Variants in C3orf52 observed in about 807,000 individuals in gnomAD.
C3orf52 encodes the protein TPA-induced transmembrane protein.
In C3orf52, 22 loss-of-function variants were observed where a neutral mutation model predicts 24.8. The observed-to-expected ratio is 0.89, with a 90% CI of 0.63 to 1.27. The LOEUF (loss-of-function observed/expected upper bound fraction) is 1.27, where lower values mean the gene tolerates loss of function less well. Among genes scored for constraint, C3orf52 ranks in the 50% most tolerant of loss-of-function variants. The probability of loss-of-function intolerance (pLI) is 0.00; values close to 1 mark genes in which losing one functional copy is unlikely to be tolerated. For synonymous variants in C3orf52, 93 were observed against 100.2 expected (o/e 0.93, Z 0.43); for missense variants, 265 against 260.7 (o/e 1.02, Z -0.11).
In C3orf52 at chr3:112,102,899, C is replaced by T. The variant is rs1319155094; in HGVS notation, c.330C>T (p.Phe110=). The T allele has an allele frequency of 6.2e-7, 1 of 1,606,582 alleles. No individual in the cohort carries two copies. Among genetic ancestry groups the T allele is most frequent in the Admixed American group, 1.7e-5 (1 of 59,134 alleles). ...AATTATCATCAAACAAAACATTCTT[C>T]ATCATGCTGAAGATTCCAGAGGAGT... ...ILELSSNKTF[F]IMLKIPEECV... The change falls in exon 3 of 6, where the codon TTC becomes TTT. Residue 110 remains phenylalanine (F), a synonymous_variant. Coordinates refer to ENST00000264848, the MANE Select transcript of C3orf52 (RefSeq NM_024616.3).
intron 4 of C3orf52, chr3:112,126,976 C>G (rs1164121712): frequency 1.3e-6 from 2 of 1,558,242 alleles, no homozygotes; most frequent in East Asian, 4.5e-5. Context: ...ACTAGGAAAT[C>G]AATGACTTAC....
intron 4 of C3orf52, among the ~76,000 whole-genome samples, chr3:112,111,115 G>A (rs150814478): frequency 7.7e-4 from 117 of 152,258 alleles, no homozygotes; most frequent in African/African-American, 2.6e-3. Context: ...AGGCTGAAGC[G>A]GGAGAATTGT....
At chr3:112,105,837 A>AG (rs2074018773) in intron 3 of C3orf52, among the ~76,000 whole-genome samples, 1 of 151,892 alleles carries the variant, frequency 6.6e-6, no homozygotes, top group Non-Finnish European at 1.5e-5. Context: ...AAAAAAAAAA[A>AG]AAAAAGATGC....
downstream of C3orf52, chr3:112,130,508 T>C (rs376717153): frequency 5.0e-6 from 8 of 1,613,770 alleles, no homozygotes; most frequent in African/African-American, 8.0e-5. Flanking sequence ...AGTGTTCTGC[T>C]GCCGCCTGAA....
At chr3:112,123,162 C>T, downstream of C3orf52, 1 of 421,878 alleles carries the variant, frequency 2.4e-6, no homozygotes, top group South Asian at 2.7e-5. Flanking sequence ...TTGTGGTGTG[C>T]ATAGCTTTAG....
Position 112,117,883 on chromosome 3 carries a change from T to A in C3orf52, c.*1237T>A, listed in dbSNP as rs56319304. 6.6e-6 allele frequency: 1 copy of A among 152,244 alleles called. No individual in the cohort carries two copies. Among genetic ancestry groups the A allele is most frequent in the Non-Finnish European group, 1.5e-5 (1 of 68,046 alleles). The allele number at this position is 152,244 out of a possible 1,614,324, so 9.4% of individuals were successfully genotyped here. A position where few individuals can be genotyped will look rare whatever the true frequency, so the allele number is the denominator to read the frequency against. On this transcript the variant is annotated 3_prime_UTR_variant, in exon 6 of 6. Transcript: ENST00000264848. ...GCCTCTCAGTTAAATGAGCCCTGGG[T>A]TAAAGTCAGTGTGAAGGGCAGCTGT...
At chr3:112,130,206 A>G (rs182291377), downstream of C3orf52, 3 of 545,718 alleles carry the variant, frequency 5.5e-6, no homozygotes, top group Non-Finnish European at 9.9e-6. Flanking sequence ...CATAACAGGG[A>G]CTAGCAGGGT....
chr3:112,105,144 T>C (rs1185052135), intron 3 of C3orf52, among the ~76,000 whole-genome samples: 2 of 152,214 alleles, frequency 1.3e-5, no homozygotes, highest in African/African-American at 4.8e-5. Flanking sequence ...GGACTGACAT[T>C]GATGCCTGTG....
At chr3:112,089,485 C>T (rs146836733) in intron 1 of C3orf52, among the ~76,000 whole-genome samples, 1,802 of 146,020 alleles carry the variant, frequency 0.012, 36 homozygotes, top group African/African-American at 0.043. Flanking sequence ...GCCCAGATCA[C>T]GCCACTGCAC....
intron 2 of C3orf52, among the ~76,000 whole-genome samples, chr3:112,095,431 G>A (rs2073916183): frequency 6.6e-6 from 1 of 152,132 alleles, no homozygotes; most frequent in African/African-American, 2.4e-5. Flanking sequence ...AGATCTAGAT[G>A]GTTTAATATT....
rs76093951 is a variant in C3orf52 at position 112,117,176 on chromosome 3, C to G, written c.*530C>G. 7.2e-6 allele frequency: 4 copies of G among 556,578 alleles called. No homozygotes were observed. The highest frequency in any genetic ancestry group is 1.3e-5 in the Non-Finnish European group (4 of 314,594). The allele number at this position is 556,578 out of a possible 1,614,324, so 34.5% of individuals were successfully genotyped here. ...TTACGAAGACTAAGCCAATTATTCA[C>G]TGAAGTCATCCTCCTCCCCCCCACC... On this transcript the variant is annotated 3_prime_UTR_variant, in exon 6 of 6. Coordinates refer to ENST00000264848, the MANE Select transcript of C3orf52 (RefSeq NM_024616.3).
downstream of C3orf52, chr3:112,130,652 A>G (rs1559987665): frequency 6.7e-6 from 5 of 745,684 alleles, no homozygotes; most frequent in East Asian, 9.9e-5. Context: ...ACACATGTTA[A>G]TACTGTTTCC....
At position 112,117,040 on chromosome 3, in the gene C3orf52, G is replaced by A; in HGVS notation, c.*394G>A. Reference sequence around the variant, plus strand: ...TGATCATGGCACTGCTATTCTTGAAGCACTCCACCCACCTGGGCTACTTTT... The same window carrying A: ...TGATCATGGCACTGCTATTCTTGAAACACTCCACCCACCTGGGCTACTTTT... On this transcript the variant is annotated 3_prime_UTR_variant, in exon 6 of 6. Coordinates refer to ENST00000264848, the MANE Select transcript of C3orf52 (RefSeq NM_024616.3). 1 of 961,536 alleles carries A rather than the reference G, an allele frequency of 1.0e-6. No individual in the cohort carries two copies. Among genetic ancestry groups the A allele is most frequent in the Non-Finnish European group, 1.5e-6 (1 of 653,752 alleles). The allele number at this position is 961,536 out of a possible 1,614,324, so 59.6% of individuals were successfully genotyped here. A position where few individuals can be genotyped will look rare whatever the true frequency, so the allele number is the denominator to read the frequency against.
At chr3:112,113,571 T>G (rs563233151) in intron 5 of C3orf52, among the ~76,000 whole-genome samples, 1 of 152,168 alleles carries the variant, frequency 6.6e-6, no homozygotes, top group African/African-American at 2.4e-5. Flanking sequence ...TGAAAGAGTA[T>G]CTCAATATGG....
intron 2 of C3orf52, among the ~76,000 whole-genome samples, chr3:112,096,726 A>AT (rs148073903): frequency 0.012 from 1,845 of 152,122 alleles, 36 homozygotes; most frequent in African/African-American, 0.041. Flanking sequence ...GGGGAGTTAT[A>AT]TTTTTTCACT....
chr3:112,109,676 C>T (rs78063105), intron 4 of C3orf52, 63 bp downstream of exon 4: 41,351 of 1,001,010 alleles, frequency 0.041, 1,200 homozygotes, highest in South Asian at 0.11. Flanking sequence ...CCACCCCACC[C>T]TTCGTCATTT....
intron 1 of C3orf52, among the ~76,000 whole-genome samples, chr3:112,089,186 A>G (rs2073855158): frequency 6.6e-6 from 1 of 152,232 alleles, no homozygotes; most frequent in Non-Finnish European, 1.5e-5. Flanking sequence ...TGGCAACATC[A>G]TTTGAATAAT....
intron 2 of C3orf52, among the ~76,000 whole-genome samples, chr3:112,098,804 G>T (rs1410930250): frequency 6.6e-5 from 10 of 152,056 alleles, no homozygotes; most frequent in Non-Finnish European, 7.4e-5. Flanking sequence ...AAGGGGAAAG[G>T]CAGCTTTCTG....
intron 4 of C3orf52, among the ~76,000 whole-genome samples, chr3:112,125,506 A>G (rs773350815): frequency 4.6e-5 from 7 of 151,820 alleles, no homozygotes; most frequent in Non-Finnish European, 1.0e-4. Context: ...GGAAATCACG[A>G]TTTCTTCCTC....
Sources: gnomAD v4.1 joint callset for allele counts (sites outside exome capture counted in the v4.1 genomes callset) on GRCh38, gnomAD v4.1.1 for gene constraint, MANE v1.5 for transcripts, NCBI Gene and HGNC (gene_info 2026-07-23, HGNC 2026-07-21) for gene names.